CDYL2: variants seen among roughly 807,000 people sequenced by gnomAD.
The protein encoded by CDYL2 is chromodomain Y like 2.
A neutral mutation model predicts 49.4 loss-of-function variants in CDYL2; 23 were observed. The ratio of observed to expected loss-of-function variants is 0.47; its 90% confidence interval spans 0.34 to 0.66. CDYL2 has a LOEUF of 0.66. Ranked by LOEUF, CDYL2 falls within the 30% of genes least tolerant of loss-of-function variation. The pLI is 0.01. For synonymous variants in CDYL2, 360 were observed against 268.8 expected (o/e 1.34, Z -3.32); for missense variants, 678 against 656.4 (o/e 1.03, Z -0.36).
At chr16:80,608,543 T>C (rs1906447767) in intron 5 of CDYL2, among the ~76,000 whole-genome samples, 1 of 152,124 alleles carries the variant, frequency 6.6e-6, no homozygotes, top group South Asian at 2.1e-4. Flanking sequence ...GTTGGGAAGA[T>C]TTCAGAGCCG....
chr16:80,755,294 G>A (rs903158727), intron 1 of CDYL2, among the ~76,000 whole-genome samples: 1 of 152,182 alleles, frequency 6.6e-6, no homozygotes, highest in African/African-American at 2.4e-5. Flanking sequence ...AAGGAGTCTG[G>A]ACATCTTGAA....
chr16:80,682,984 G>C (rs945573091), intron 2 of CDYL2, among the ~76,000 whole-genome samples: 1 of 152,184 alleles, frequency 6.6e-6, no homozygotes, highest in African/African-American at 2.4e-5. Flanking sequence ...GGAGAAAGAG[G>C]AGCCTCAACA....
intron 3 of CDYL2, among the ~76,000 whole-genome samples, chr16:80,629,319 A>G (rs1055945173): frequency 6.6e-6 from 1 of 152,250 alleles, no homozygotes; most frequent in Admixed American, 6.5e-5. Flanking sequence ...AAAATAGCCT[A>G]GTAGTGGACT....
chr16:80,624,363 G>T (rs1907213331), intron 3 of CDYL2, among the ~76,000 whole-genome samples: 1 of 152,130 alleles, frequency 6.6e-6, no homozygotes, highest in East Asian at 1.9e-4. Flanking sequence ...CTCCATACCT[G>T]CCCTGTATGT....
At chr16:80,731,422 G>A (rs535379022) in intron 1 of CDYL2, among the ~76,000 whole-genome samples, 27 of 152,128 alleles carry the variant, frequency 1.8e-4, no homozygotes, top group African/African-American at 6.5e-4. Context: ...TAACTAAAAA[G>A]GAGAAAATCA....
chr16:80,712,189 G>GTACATATATATATA (rs527296483), intron 1 of CDYL2, among the ~76,000 whole-genome samples: 821 of 75,810 alleles, frequency 0.011, 20 homozygotes, highest in African/African-American at 0.026. Flanking sequence ...GTGTCTGTGT[G>GTACATATATATATA]TGTATATATA....
intron 1 of CDYL2, among the ~76,000 whole-genome samples, chr16:80,739,418 T>C (rs565067348): frequency 3.9e-5 from 6 of 152,300 alleles, no homozygotes; most frequent in East Asian, 1.9e-4. Context: ...TTATGTTATA[T>C]GTATTTTATC....
intron 1 of CDYL2, among the ~76,000 whole-genome samples, chr16:80,705,267 C>T (rs890578377): frequency 1.3e-5 from 2 of 152,242 alleles, no homozygotes; most frequent in South Asian, 2.1e-4. Flanking sequence ...ACAGGTAAGA[C>T]CGTCCCTCAG....
At chr16:80,799,744 C>CT (rs1278613700) in intron 1 of CDYL2, among the ~76,000 whole-genome samples, 1 of 152,214 alleles carries the variant, frequency 6.6e-6, no homozygotes, top group African/African-American at 2.4e-5. Flanking sequence ...TGAAAATAAG[C>CT]TGATGCCTGC....
intron 5 of CDYL2, among the ~76,000 whole-genome samples, chr16:80,609,544 G>C (rs1305251824): frequency 6.6e-6 from 1 of 152,210 alleles, no homozygotes; most frequent in Non-Finnish European, 1.5e-5. Flanking sequence ...ACAAATGGAG[G>C]ACTTGATACT....
intron 1 of CDYL2, among the ~76,000 whole-genome samples, chr16:80,770,060 C>A (rs541614287): frequency 4.6e-5 from 7 of 151,330 alleles, no homozygotes; most frequent in Admixed American, 3.3e-4. Context: ...TGCAGAAAAC[C>A]GAATGTGTTA....
In CDYL2 at chr16:80,650,459, C is replaced by T. The variant is rs545624953; in HGVS notation, c.617-17223G>A. On this transcript the variant is annotated intron_variant, in intron 2 of 6. Coordinates refer to ENST00000570137, the MANE Select transcript of CDYL2 (RefSeq NM_152342.4). The stretch of plus-strand genomic sequence containing the variant: ...TGTAAAATGGCTTATACCCACAAGA[C>T]AGGCAGTAACAAATGCAGGAGAGGA... Among the ~76,000 whole-genome samples the T allele has an allele frequency of 1.6e-4, 24 of 152,244 alleles. No homozygotes were observed. The South Asian group carries it at 4.6e-3, about 29-fold the overall frequency.
intron 3 of CDYL2, among the ~76,000 whole-genome samples, chr16:80,630,938 G>C (rs897254394): frequency 2.0e-5 from 3 of 152,108 alleles, no homozygotes; most frequent in Non-Finnish European, 2.9e-5. Context: ...ATGTGAGTGA[G>C]TGGCCATCCC....
At chr16:80,657,871 A>G (rs575313397) in intron 2 of CDYL2, among the ~76,000 whole-genome samples, 1 of 152,300 alleles carries the variant, frequency 6.6e-6, no homozygotes, top group East Asian at 1.9e-4. Context: ...AGCTTTATCT[A>G]TAACTGCAAA....
chr16:80,699,000 A>G lies in CDYL2; in HGVS notation c.25-13871T>C, dbSNP rs574533558. On this transcript the variant is annotated intron_variant, in intron 1 of 6. Coordinates refer to ENST00000570137, the MANE Select transcript of CDYL2 (RefSeq NM_152342.4). ...CAGGTAGAATGGCTATTATCAAAAAAACAAAAACTAACAAATGCTGGCAAG... is the reference window on the plus strand; with the variant it reads ...CAGGTAGAATGGCTATTATCAAAAAGACAAAAACTAACAAATGCTGGCAAG... Among the ~76,000 whole-genome samples the G allele has an allele frequency of 2.0e-5, 3 of 152,212 alleles. No individual in the cohort carries two copies. In the South Asian group the frequency reaches 6.2e-4, roughly 32 times the overall value.
chr16:80,727,003 T>G (rs980781612), intron 1 of CDYL2, among the ~76,000 whole-genome samples: 1 of 152,172 alleles, frequency 6.6e-6, no homozygotes, highest in East Asian at 1.9e-4. Context: ...GGAGGATTGC[T>G]GGAGCCCAGG....
chr16:80,782,770 G>A lies in CDYL2; in HGVS notation c.24+21380C>T, dbSNP rs1204807731. 4.0e-5 allele frequency among the ~76,000 whole-genome samples: 6 copies of A among 151,892 alleles called. No individual in the cohort carries two copies. In the South Asian group the frequency reaches 6.2e-4, roughly 16 times the overall value. Reference sequence around the variant, plus strand: ...ACACACAGTCATCCCAATTGACAGAGAAAAGGCATTTGAAAAATTCAATAC... The same window carrying A: ...ACACACAGTCATCCCAATTGACAGAAAAAAGGCATTTGAAAAATTCAATAC... On this transcript the variant is annotated intron_variant, in intron 1 of 6. Transcript: ENST00000570137.
At chr16:80,651,571 G>A (rs954006020) in intron 2 of CDYL2, among the ~76,000 whole-genome samples, 1 of 152,170 alleles carries the variant, frequency 6.6e-6, no homozygotes, top group Non-Finnish European at 1.5e-5. Flanking sequence ...ACAGCACAGA[G>A]AGCGAATTTA....
intron 1 of CDYL2, among the ~76,000 whole-genome samples, chr16:80,788,962 C>G (rs1410297892): frequency 2.0e-5 from 3 of 152,156 alleles, no homozygotes; most frequent in African/African-American, 7.2e-5. Context: ...GGGCAAAGGA[C>G]ATGACCAGAC....
Sources: allele counts gnomAD v4.1 joint callset (sites outside exome capture counted in the v4.1 genomes callset), GRCh38; gene constraint gnomAD v4.1.1; transcripts MANE v1.5; gene names NCBI Gene and HGNC (gene_info 2026-07-23, HGNC 2026-07-21).